UNCX: variants seen among roughly 807,000 people sequenced by gnomAD.
UNCX encodes UNC homeobox.
A neutral mutation model predicts 14.8 loss-of-function variants in UNCX; 4 were observed. That is an observed-to-expected ratio of 0.27 (90% CI 0.13 to 0.62). The LOEUF is 0.62. Among genes scored for constraint, UNCX ranks in the 20% least tolerant of loss-of-function variants. UNCX has a pLI of 0.86. For synonymous variants in UNCX, 459 were observed against 395.8 expected (o/e 1.16, Z -1.90); for missense variants, 749 against 786.8 (o/e 0.95, Z 0.58).
chr7:1,236,709 G>A lies in UNCX; in HGVS notation c.1328G>A (p.Ser443Asn). The change falls in exon 3 of 3, where the codon AGC (serine) becomes AAC (asparagine). Residue 443 changes from serine to asparagine, a missense_variant. Coordinates refer to ENST00000316333, the MANE Select transcript of UNCX (RefSeq NM_001080461.3). The surrounding 1 kb of genome is among the most constrained non-coding windows in gnomAD (Gnocchi z 6.9). ...CCGGACTCGGCCTTCGCGCGTCGCA[G>A]CCCCGACGCCGTCGCCTCCCCGGGG... ...GAPDSAFARR[S>N]PDAVASPGAP... 1 of 997,062 alleles carries A rather than the reference G, an allele frequency of 1.0e-6. No homozygotes were observed. Among genetic ancestry groups the A allele is most frequent in the Non-Finnish European group, 1.2e-6 (1 of 839,322 alleles). 61.8% of individuals were successfully genotyped at this position (997,062 alleles called of 1,614,324 possible).
intron 2 of UNCX, among the ~76,000 whole-genome samples, chr7:1,235,574 C>T (rs1300899684): frequency 1.3e-5 from 2 of 152,264 alleles, no homozygotes; most frequent in African/African-American, 4.8e-5. Context: ...CTCCCAGGTC[C>T]CCGAGGTGAG....
In UNCX at chr7:1,236,837, C is replaced by T. The variant is rs1778754741; in HGVS notation, c.1456C>T (p.Pro486Ser). 6 of 991,448 alleles carry T rather than the reference C, an allele frequency of 6.1e-6. No homozygotes were observed. Among genetic ancestry groups the T allele is most frequent in the Non-Finnish European group, 7.2e-6 (6 of 835,690 alleles). The allele number at this position is 991,448 out of a possible 1,614,324, so 61.4% of individuals were successfully genotyped here. ...GGACGCGGGGACCGCCGGCCCCGCG[C>T]CCCCGCCGCCCGCGCCGTCGCCCAG... The part of the protein sequence containing the change: ...CADAGTAGPA[P>S]PPPAPSPRPG... Residue 486 changes from proline to serine, a missense_variant, in exon 3 of 3, where the codon CCC becomes TCC. Physicochemically the swap from Pro to Ser is moderately conservative, Grantham distance 74. Coordinates refer to ENST00000316333, the MANE Select transcript of UNCX (RefSeq NM_001080461.3). This position sits in a 1 kb window ranked among gnomAD's most constrained non-coding sequence, Gnocchi z 6.9.
Position 1,235,951 on chromosome 7 carries a change from G to A in UNCX, c.570G>A (p.Glu190=), listed in dbSNP as rs781130559. 6.2e-7 allele frequency: 1 copy of A among 1,612,476 alleles called. No homozygotes were observed. The highest frequency in any genetic ancestry group is 8.5e-7 in the Non-Finnish European group (1 of 1,179,602). Residue 190 remains glutamate (E), a synonymous_variant, in exon 3 of 3, where the codon GAG becomes GAA. Transcript: ENST00000316333. ...GCAGCGGCGAGCCCATGGACCCGGA[G>A]GAGATCGCGCGCAAGGAGCTGGAGA... ...TTCSGEPMDP[E]EIARKELEKM... is the part of the protein sequence containing the mutation.
Position 1,232,889 on chromosome 7 carries a change from G to T in UNCX, c.-129G>T. On this transcript the variant is annotated 5_prime_UTR_variant, in exon 1 of 3. Transcript: ENST00000316333. ...TGATAAGTAAAGCGCCGGAGTGCGGGCGAAGCATGTGTGGGGCTCCGGGTC... is the reference window on the plus strand; with the variant it reads ...TGATAAGTAAAGCGCCGGAGTGCGGTCGAAGCATGTGTGGGGCTCCGGGTC... The T allele has an allele frequency of 2.8e-6, 1 of 354,004 alleles. No individual in the cohort carries two copies. 21.9% of individuals were successfully genotyped at this position (354,004 alleles called of 1,614,324 possible). A position where few individuals can be genotyped will look rare whatever the true frequency, so the allele number is the denominator to read the frequency against.
Position 1,236,502 on chromosome 7 carries a change from G to T in UNCX, c.1121G>T (p.Gly374Val). The change falls in exon 3 of 3, where the codon GGC becomes GTC. Residue 374 changes from glycine (G) to valine (V), a missense_variant. Coordinates refer to ENST00000316333, the MANE Select transcript of UNCX (RefSeq NM_001080461.3). The surrounding 1 kb of genome is among the most constrained non-coding windows in gnomAD (Gnocchi z 6.9). ...CCGTGCGCGCCGCGGACCCTGATCG[G>T]CAAGGGCCACTTCCTCCTCTACCCC... The part of the protein sequence containing the change: ...GLPCAPRTLI[G>V]KGHFLLYPIT... 1 of 1,406,254 alleles carries T rather than the reference G, an allele frequency of 7.1e-7. No homozygotes were observed. Among genetic ancestry groups the T allele is most frequent in the South Asian group, 1.4e-5 (1 of 73,652 alleles). The allele number at this position is 1,406,254 out of a possible 1,614,324, so 87.1% of individuals were successfully genotyped here.
chr7:1,236,095 C>A lies in UNCX; in HGVS notation c.714C>A (p.Gly238=). 1 of 1,521,016 alleles carries A rather than the reference C, an allele frequency of 6.6e-7. No homozygotes were observed. The allele number at this position is 1,521,016 out of a possible 1,614,324, so 94.2% of individuals were successfully genotyped here. ...CGCCCAGCTCCGACAGCGACAGCGG[C>A]GGCGGCGGCCTGTCTCCGGAGCCGC... ...HSAPSSDSDS[G]GGGLSPEPPE... is the part of the protein sequence containing the mutation. Residue 238 remains glycine, a synonymous_variant, in exon 3 of 3, where the codon GGC becomes GGA. Coordinates refer to ENST00000316333, the MANE Select transcript of UNCX (RefSeq NM_001080461.3). The surrounding 1 kb of genome is among the most constrained non-coding windows in gnomAD (Gnocchi z 6.9).
chr7:1,233,464 G>A lies in UNCX; in HGVS notation c.275-56G>A. ...CCAGCGGGTAGCGGGAGGGAGGGGT[G>A]GGGGTCGGGCCTGGGCCGGTGGCTG... On this transcript the variant is annotated intron_variant, in intron 1 of 2. Transcript: ENST00000316333. The surrounding 1 kb of genome is among the most constrained non-coding windows in gnomAD (Gnocchi z 5.3). 1 of 1,471,074 alleles carries A rather than the reference G, an allele frequency of 6.8e-7. No homozygotes were observed. Among genetic ancestry groups the A allele is most frequent in the South Asian group, 1.3e-5 (1 of 76,974 alleles). 91.1% of individuals were successfully genotyped at this position (1,471,074 alleles called of 1,614,324 possible).
At position 1,237,068 on chromosome 7, in the gene UNCX, A is replaced by G. The variant is rs1778763025; in HGVS notation, c.*91A>G. ...AACGAATCAGGTGATCGGCTCTAGA[A>G]ACACTGCTTTCCCTTCTTTTCTTTT... is the stretch of plus-strand genomic sequence containing the variant. On this transcript the variant is annotated 3_prime_UTR_variant, in exon 3 of 3. Transcript: ENST00000316333. This position sits in a 1 kb window ranked among gnomAD's most constrained non-coding sequence, Gnocchi z 5.8. The G allele has an allele frequency of 1.1e-5, 10 of 947,990 alleles. No individual in the cohort carries two copies. Among genetic ancestry groups the G allele is most frequent in the Non-Finnish European group, 1.3e-5 (10 of 779,800 alleles). 58.7% of individuals were successfully genotyped at this position (947,990 alleles called of 1,614,324 possible).
At position 1,233,351 on chromosome 7, in the gene UNCX, G is replaced by A. The variant is rs1439034885; in HGVS notation, c.274+60G>A. The A allele has an allele frequency of 3.7e-6, 5 of 1,338,176 alleles. No homozygotes were observed. The highest frequency in any genetic ancestry group is 4.8e-6 in the Non-Finnish European group (5 of 1,051,830). 82.9% of individuals were successfully genotyped at this position (1,338,176 alleles called of 1,614,324 possible). ...CGGCTGGGGGCGGGGGCCCTGGTCC[G>A]GCCGAGGCGCTGGGGGGCCCGGGGC... On this transcript the variant is annotated intron_variant, in intron 1 of 2. Coordinates refer to ENST00000316333, the MANE Select transcript of UNCX (RefSeq NM_001080461.3). The surrounding 1 kb of genome is among the most constrained non-coding windows in gnomAD (Gnocchi z 5.3).
Position 1,236,353 on chromosome 7 carries a change from G to T in UNCX, c.972G>T (p.Ala324=). 2 of 1,312,638 alleles carry T rather than the reference G, an allele frequency of 1.5e-6. No individual in the cohort carries two copies. The highest frequency in any genetic ancestry group is 3.5e-5 in the East Asian group (1 of 28,440). 81.3% of individuals were successfully genotyped at this position (1,312,638 alleles called of 1,614,324 possible). A position where few individuals can be genotyped will look rare whatever the true frequency, so the allele number is the denominator to read the frequency against. Reference sequence around the variant, plus strand: ...TGGCGGCGGTGGAGCGCGGCGCCGCGGGGCTGCCCAAGGCCAGCCCATTCA... The same window carrying T: ...TGGCGGCGGTGGAGCGCGGCGCCGCTGGGCTGCCCAAGGCCAGCCCATTCA... ...AAVAAVERGA[A]GLPKASPFSV... is the part of the protein sequence containing the mutation. Residue 324 remains alanine, a synonymous_variant, in exon 3 of 3, where the codon GCG becomes GCT. Transcript: ENST00000316333. The surrounding 1 kb of genome is among the most constrained non-coding windows in gnomAD (Gnocchi z 6.9).
In UNCX at chr7:1,236,249, A is replaced by T; in HGVS notation, c.868A>T (p.Arg290Ter). Residue 290 changes from arginine (R) to a stop codon, truncating the protein, a stop_gained, in exon 3 of 3, where the codon AGA becomes TGA. Coordinates refer to ENST00000316333, the MANE Select transcript of UNCX (RefSeq NM_001080461.3). LOFTEE classifies it low-confidence loss of function (END_TRUNC). This position sits in a 1 kb window ranked among gnomAD's most constrained non-coding sequence, Gnocchi z 6.9. ...CGACCCCGCCTTCTACCCGAGCCAA[A>T]GAAGCGGCGCCGGCCCACAGCCGCG... The part of the protein sequence containing the change: ...TCDPAFYPSQ[R>*]SGAGPQPRPG... The T allele has an allele frequency of 7.3e-7, 1 of 1,374,934 alleles. No homozygotes were observed. Among genetic ancestry groups the T allele is most frequent in the African/African-American group, 1.5e-5 (1 of 65,126 alleles). 85.2% of individuals were successfully genotyped at this position (1,374,934 alleles called of 1,614,324 possible).
chr7:1,235,444 C>T (rs1416869988), intron 2 of UNCX, among the ~76,000 whole-genome samples: 2 of 152,218 alleles, frequency 1.3e-5, no homozygotes, highest in Admixed American at 1.3e-4. Context: ...GGGCGGGCTG[C>T]TTAGAACACG....
Position 1,236,291 on chromosome 7 carries a change from G to C in UNCX, c.910G>C (p.Asp304His). Residue 304 changes from aspartate to histidine, a missense_variant, in exon 3 of 3, where the codon GAC becomes CAC. Asp to His is a moderately conservative substitution (Grantham distance 81). Coordinates refer to ENST00000316333, the MANE Select transcript of UNCX (RefSeq NM_001080461.3). This position sits in a 1 kb window ranked among gnomAD's most constrained non-coding sequence, Gnocchi z 6.9. ...ACAGCCGCGCCCAGGTCGCCCTGCG[G>C]ACAAGGACGCGGCCTCGTGCGGGCC... ...GPQPRPGRPADKDAASCGPGA... is the reference protein window; with the variant it reads ...GPQPRPGRPAHKDAASCGPGA... The C allele has an allele frequency of 7.3e-7, 1 of 1,373,736 alleles. No homozygotes were observed. The highest frequency in any genetic ancestry group is 9.5e-7 in the Non-Finnish European group (1 of 1,058,138). 85.1% of individuals were successfully genotyped at this position (1,373,736 alleles called of 1,614,324 possible).
At chr7:1,235,793 C>G (rs780263978) in intron 2 of UNCX, 39 bp from the exon 3 acceptor site, 2 of 1,576,658 alleles carry the variant, frequency 1.3e-6, no homozygotes, top group Admixed American at 3.6e-5. Context: ...CAGCCCGCCG[C>G]CTGATTGTGG....
chr7:1,234,274 A>G (rs1193981964), intron 2 of UNCX, among the ~76,000 whole-genome samples: 1 of 152,236 alleles, frequency 6.6e-6, no homozygotes, highest in Non-Finnish European at 1.5e-5. Flanking sequence ...AGTGGGAGAA[A>G]AAAAGGTGTC....
At position 1,233,536 on chromosome 7, in the gene UNCX, C is replaced by G; in HGVS notation, c.291C>G (p.Asp97Glu). The change falls in exon 2 of 3, where the codon GAC (aspartate) becomes GAG (glutamate). Residue 97 changes from aspartate (D) to glutamate (E), a missense_variant. Transcript: ENST00000316333. The surrounding 1 kb of genome is among the most constrained non-coding windows in gnomAD (Gnocchi z 5.3). ...PFKLSDSGDP[D>E]KESPGCKRRR... Reference sequence around the variant, plus strand: ...TGCCCGCAGACTCGGGGGACCCGGACAAGGAGAGCCCGGGCTGCAAGCGGC... The same window carrying G: ...TGCCCGCAGACTCGGGGGACCCGGAGAAGGAGAGCCCGGGCTGCAAGCGGC... 1 of 1,612,122 alleles carries G rather than the reference C, an allele frequency of 6.2e-7. No homozygotes were observed. The highest frequency in any genetic ancestry group is 8.5e-7 in the Non-Finnish European group (1 of 1,179,684).
rs1361267589 is a variant in UNCX at position 1,235,814 on chromosome 7, C to T, written c.451-18C>T. 6.2e-7 allele frequency: 1 copy of T among 1,605,468 alleles called. No homozygotes were observed. Among genetic ancestry groups the T allele is most frequent in the African/African-American group, 1.3e-5 (1 of 74,636 alleles). ...GCCGCCTGATTGTGGCTTCCTCTCCCCTATCCGGCTGCTCTAGGTCTGGTT... is the reference window on the plus strand; with the variant it reads ...GCCGCCTGATTGTGGCTTCCTCTCCTCTATCCGGCTGCTCTAGGTCTGGTT... On this transcript the variant is annotated intron_variant, in intron 2 of 2. Transcript: ENST00000316333.
Position 1,233,803 on chromosome 7 carries a change from C to A in UNCX, c.450+108C>A. ...AGATATCGTCCCCTTGCCGCGGGCC[C>A]GCTTCGCGCTCGCCTGCTGGGGAAG... is the stretch of plus-strand genomic sequence containing the variant. On this transcript the variant is annotated intron_variant, in intron 2 of 2. Coordinates refer to ENST00000316333, the MANE Select transcript of UNCX (RefSeq NM_001080461.3). This position sits in a 1 kb window ranked among gnomAD's most constrained non-coding sequence, Gnocchi z 5.3. 1 of 1,358,530 alleles carries A rather than the reference C, an allele frequency of 7.4e-7. No homozygotes were observed. The highest frequency in any genetic ancestry group is 9.8e-7 in the Non-Finnish European group (1 of 1,020,368). 84.2% of individuals were successfully genotyped at this position (1,358,530 alleles called of 1,614,324 possible).
chr7:1,236,571 A>G lies in UNCX; in HGVS notation c.1190A>G (p.Lys397Arg), dbSNP rs2128272969. Residue 397 changes from lysine (K) to arginine (R), a missense_variant, in exon 3 of 3, where the codon AAG (lysine) becomes AGG (arginine). By Grantham distance (26) the Lys-to-Arg change is conservative. Transcript: ENST00000316333. This position sits in a 1 kb window ranked among gnomAD's most constrained non-coding sequence, Gnocchi z 6.9. ...TTCCTGGTGCCGCAGGCCGCGCTCA[A>G]GGGCGGCGCGGGCCTGGAGCCGGCG... ...LGFLVPQAAL[K>R]GGAGLEPAPK... 2 of 1,311,482 alleles carry G rather than the reference A, an allele frequency of 1.5e-6. No homozygotes were observed. Among genetic ancestry groups the G allele is most frequent in the South Asian group, 1.5e-5 (1 of 67,192 alleles). The allele number at this position is 1,311,482 out of a possible 1,614,324, so 81.2% of individuals were successfully genotyped here.
Sources: allele counts gnomAD v4.1 joint callset (sites outside exome capture counted in the v4.1 genomes callset), GRCh38; gene constraint gnomAD v4.1.1; non-coding constraint Gnocchi (gnomAD v3.1); transcripts MANE v1.5; gene names NCBI Gene and HGNC (gene_info 2026-07-23, HGNC 2026-07-21).